The following CORO2B variants were observed in gnomAD, a reference collection of about 807,000 sequenced individuals.
CORO2B encodes coronin-2B.
In CORO2B, 26 loss-of-function variants were observed where a neutral mutation model predicts 58.8. The observed-to-expected ratio is 0.44, with a 90% confidence interval of 0.32 to 0.61. The LOEUF (loss-of-function observed/expected upper bound fraction) is 0.61, where lower values mean the gene tolerates loss of function less well. CORO2B is among the 20% of genes least tolerant of loss of function. CORO2B has a pLI of 0.04. For synonymous variants in CORO2B, 242 were observed against 253.8 expected (o/e 0.95, Z 0.44); for missense variants, 460 against 645.1 (o/e 0.71, Z 3.11).
At chr15:68,641,283 G>T (rs1037057033) in intron 1 of CORO2B, among the ~76,000 whole-genome samples, 1 of 152,210 alleles carries the variant, frequency 6.6e-6, no homozygotes, top group Non-Finnish European at 1.5e-5. Flanking sequence ...CCCCCAGGAT[G>T]CAGCATCCAG....
upstream of CORO2B, among the ~76,000 whole-genome samples, chr15:68,574,370 A>C (rs1899239546): frequency 1.3e-5 from 2 of 152,036 alleles, no homozygotes; most frequent in South Asian, 4.2e-4. Context: ...AGCTTTGGGA[A>C]TCTCCCTGTG....
At position 68,710,651 on chromosome 15, in the gene CORO2B, G is replaced by C. The variant is rs373283613; in HGVS notation, c.334-81G>C. 2.1e-5 allele frequency: 29 copies of C among 1,389,142 alleles called. No individual in the cohort carries two copies. In the East Asian group the frequency reaches 2.2e-4, roughly 10 times the overall value. The allele number at this position is 1,389,142 out of a possible 1,614,324, so 86.1% of individuals were successfully genotyped here. A position where few individuals can be genotyped will look rare whatever the true frequency, so the allele number is the denominator to read the frequency against. On this transcript the variant is annotated intron_variant, in intron 3 of 11. Coordinates refer to ENST00000261861, the MANE Select transcript of CORO2B (RefSeq NM_006091.5). This position sits in a 1 kb window ranked among gnomAD's most constrained non-coding sequence, Gnocchi z 4.1. The stretch of plus-strand genomic sequence containing the variant: ...CATCAGGCAGATCTCAGAAAGCCTG[G>C]TGTCCGAGGAAAGGGGCACCTCTCA...
the CORO2B span, among the ~76,000 whole-genome samples, chr15:68,540,213 A>G: frequency 1.3e-5 from 2 of 152,248 alleles, no homozygotes; most frequent in African/African-American, 4.8e-5. Context: ...GGAAAATATT[A>G]GTTCACTGAA....
At chr15:68,545,584 C>A in the CORO2B span, among the ~76,000 whole-genome samples, 6 of 148,858 alleles carry the variant, frequency 4.0e-5, no homozygotes, top group Non-Finnish European at 7.4e-5. Flanking sequence ...TCCCTTTACA[C>A]CCCTGCCTGC....
At chr15:68,590,289 A>G (rs1221074746) in intron 1 of CORO2B, among the ~76,000 whole-genome samples, 1 of 149,702 alleles carries the variant, frequency 6.7e-6, no homozygotes, top group Non-Finnish European at 1.5e-5. Context: ...GGGAGCCACA[A>G]ACTCAGTGGG....
Position 68,619,174 on chromosome 15 carries a change from G to T in CORO2B, c.16-25986G>T, listed in dbSNP as rs550014915. ...TCATGTTTTCCTTTTTACTTTGACTGCTAGGAAGCCCAGAGCCCCAATCTG... is the reference window on the plus strand; with the variant it reads ...TCATGTTTTCCTTTTTACTTTGACTTCTAGGAAGCCCAGAGCCCCAATCTG... On this transcript the variant is annotated intron_variant, in intron 1 of 11. Transcript: ENST00000261861. 2.0e-4 allele frequency among the ~76,000 whole-genome samples: 30 copies of T among 152,200 alleles called. No homozygotes were observed. The South Asian group carries it at 6.2e-3, about 32-fold the overall frequency.
chr15:68,579,289 T>A lies in CORO2B; in HGVS notation c.15+12T>A. The A allele has an allele frequency of 7.8e-7, 1 of 1,284,144 alleles. No individual in the cohort carries two copies. The highest frequency in any genetic ancestry group is 9.9e-7 in the Non-Finnish European group (1 of 1,011,592). The allele number at this position is 1,284,144 out of a possible 1,614,324, so 79.5% of individuals were successfully genotyped here. ...TGACTGTCACAAAGGTAAGCGCCGC[T>A]CGCCCGCCGCGCCCGGGACCCGCCG... On this transcript the variant is annotated intron_variant, in intron 1 of 11. Coordinates refer to ENST00000261861, the MANE Select transcript of CORO2B (RefSeq NM_006091.5).
At chr15:68,676,503 G>A (rs937109168) in intron 2 of CORO2B, among the ~76,000 whole-genome samples, 1 of 152,196 alleles carries the variant, frequency 6.6e-6, no homozygotes, top group Non-Finnish European at 1.5e-5. Context: ...TCAAATGCCA[G>A]ACACCTCCAT....
chr15:68,692,566 C>CT (rs1170113461), intron 2 of CORO2B, among the ~76,000 whole-genome samples: 1 of 148,970 alleles, frequency 6.7e-6, no homozygotes, highest in Non-Finnish European at 1.5e-5. Context: ...GCCTGGGCGA[C>CT]AGAGTGAGAC....
intron 1 of CORO2B, among the ~76,000 whole-genome samples, chr15:68,608,575 T>C (rs1028850784): frequency 3.9e-5 from 6 of 152,174 alleles, no homozygotes; most frequent in African/African-American, 1.4e-4. Flanking sequence ...AGGACTTGGC[T>C]CTGTGCAGTG....
upstream of CORO2B, among the ~76,000 whole-genome samples, chr15:68,577,304 C>T (rs184980212): frequency 3.2e-4 from 49 of 152,318 alleles, no homozygotes; most frequent in Non-Finnish European, 4.1e-4. Flanking sequence ...TTCAAGTCCT[C>T]GCTCTGTCAC....
the CORO2B span, among the ~76,000 whole-genome samples, chr15:68,554,650 C>A: frequency 1.3e-5 from 2 of 152,190 alleles, no homozygotes; most frequent in African/African-American, 4.8e-5. Flanking sequence ...GGCACTTCAC[C>A]CACATCATTG....
chr15:68,630,286 C>T (rs1169694161), intron 1 of CORO2B, among the ~76,000 whole-genome samples: 1 of 152,228 alleles, frequency 6.6e-6, no homozygotes. Flanking sequence ...CTATCGCTCC[C>T]TCGACCCAAG....
intron 2 of CORO2B, among the ~76,000 whole-genome samples, chr15:68,659,762 C>T (rs756075547): frequency 2.0e-5 from 3 of 152,126 alleles, no homozygotes; most frequent in Admixed American, 2.0e-4. Context: ...GGCGAAACCC[C>T]GTCTCTACTA....
chr15:68,630,302 A>G (rs967740066), intron 1 of CORO2B, among the ~76,000 whole-genome samples: 1 of 152,158 alleles, frequency 6.6e-6, no homozygotes, highest in Non-Finnish European at 1.5e-5. Flanking sequence ...CCAAGTGGTC[A>G]TTGTTATCAT....
the CORO2B span, among the ~76,000 whole-genome samples, chr15:68,530,435 A>G: frequency 1.3e-5 from 2 of 152,116 alleles, no homozygotes; most frequent in African/African-American, 4.8e-5. Flanking sequence ...AATAATATGT[A>G]TTCTTTTGGT....
At chr15:68,546,346 T>A in the CORO2B span, among the ~76,000 whole-genome samples, 1 of 152,148 alleles carries the variant, frequency 6.6e-6, no homozygotes, top group Admixed American at 6.5e-5. Flanking sequence ...ATACCATGCA[T>A]CAATTTGGGA....
intron 1 of CORO2B, among the ~76,000 whole-genome samples, 179 bp downstream of exon 1, chr15:68,579,456 G>A (rs1899366717): frequency 6.6e-6 from 1 of 152,036 alleles, no homozygotes; most frequent in Non-Finnish European, 1.5e-5. Context: ...GGACTGCGGA[G>A]GCCAGGGGGA....
chr15:68,719,505 A>C lies in CORO2B; in HGVS notation c.1264A>C (p.Asn422His). 1 of 1,614,212 alleles carries C rather than the reference A, an allele frequency of 6.2e-7. No homozygotes were observed. The highest frequency in any genetic ancestry group is 8.5e-7 in the Non-Finnish European group (1 of 1,180,036). ...CAAAGAAAAGAAGAGTGTTGTGGTC[A>C]ACGGAATAGATTTATTAGAAAATGT... Reference protein sequence around the residue: ...PIKEKKSVVVNGIDLLENVPP... With the variant: ...PIKEKKSVVVHGIDLLENVPP... The change falls in exon 11 of 12, where the codon AAC (asparagine) becomes CAC (histidine). Residue 422 changes from asparagine (N) to histidine (H), a missense_variant. Physicochemically the swap from Asn to His is moderately conservative, Grantham distance 68. Transcript: ENST00000261861.
Sources: allele counts gnomAD v4.1 joint callset (sites outside exome capture counted in the v4.1 genomes callset), GRCh38; gene constraint gnomAD v4.1.1; non-coding constraint Gnocchi (gnomAD v3.1); transcripts MANE v1.5; gene names NCBI Gene and HGNC (gene_info 2026-07-23, HGNC 2026-07-21).